The following CACNA1A variants were observed in gnomAD, a reference collection of about 807,000 sequenced individuals.
The protein encoded by CACNA1A is voltage-dependent P/Q-type calcium channel subunit alpha-1A.
In CACNA1A, 57 loss-of-function variants were observed where a neutral mutation model predicts 262.4. The observed-to-expected ratio is 0.22, with a 90% CI of 0.18 to 0.27. CACNA1A has a LOEUF of 0.27. Among genes scored for constraint, CACNA1A ranks in the 10% least tolerant of loss-of-function variants. The pLI, the probability that CACNA1A is intolerant of heterozygous loss-of-function variation, is 1.00. For synonymous variants in CACNA1A, 1,431 were observed against 1,419.3 expected, an observed-to-expected ratio of 1.01 and a Z score of -0.18; for missense variants, 2,526 against 3,562.8, an observed-to-expected ratio of 0.71 and a Z score of 7.41.
chr19:13,245,518 C>T (rs1483629257), intron 30 of CACNA1A: 5 of 537,064 alleles, frequency 9.3e-6, no homozygotes, highest in East Asian at 6.4e-5. Flanking sequence ...TTCAGCTCCA[C>T]AGGGCTGGGG....
At chr19:13,497,569 T>A (rs1456092812) in intron 1 of CACNA1A, among the ~76,000 whole-genome samples, 11 of 34,950 alleles carry the variant, frequency 3.1e-4, no homozygotes, top group East Asian at 8.3e-4. Flanking sequence ...TATATATATA[T>A]ATATATATAT....
chr19:13,281,400 C>G (rs1047381659), intron 22 of CACNA1A, among the ~76,000 whole-genome samples: 1 of 134,348 alleles, frequency 7.4e-6, no homozygotes, highest in Non-Finnish European at 1.6e-5. Context: ...AAAAAAAAAG[C>G]CTGTGCAGGT....
chr19:13,282,510 T>C (rs537761935), intron 22 of CACNA1A, among the ~76,000 whole-genome samples: 27 of 152,038 alleles, frequency 1.8e-4, no homozygotes, highest in African/African-American at 5.3e-4. Context: ...AAAGGGGCTA[T>C]GCACACCCAT....
intron 3 of CACNA1A, among the ~76,000 whole-genome samples, chr19:13,399,231 G>A (rs1004550345): frequency 6.6e-6 from 1 of 152,016 alleles, no homozygotes; most frequent in Non-Finnish European, 1.5e-5. Flanking sequence ...GGAGTTATGC[G>A]TGATTGGGCA....
In CACNA1A at chr19:13,261,626, G is replaced by C. The variant is rs758220361; in HGVS notation, c.4090-16C>G. ...CAAACACAGCCTGTGGGGTGGAGTT[G>C]ACAGAGAGCATGAGGGGCTGGGGAC... On this transcript the variant is annotated splice_polypyrimidine_tract_variant and intron_variant, in intron 25 of 46. Transcript: ENST00000360228. 43 of 1,604,054 alleles carry C rather than the reference G, an allele frequency of 2.7e-5. No individual in the cohort carries two copies. Among genetic ancestry groups the C allele is most frequent in the Non-Finnish European group, 3.7e-5 (43 of 1,175,444 alleles).
At chr19:13,497,574 A>T (rs1981836556) in intron 1 of CACNA1A, among the ~76,000 whole-genome samples, 2 of 40,766 alleles carry the variant, frequency 4.9e-5, no homozygotes, top group African/African-American at 9.2e-5. Flanking sequence ...ATATATATAT[A>T]TATATAAATT....
At chr19:13,495,911 A>G (rs1047928334) in intron 1 of CACNA1A, among the ~76,000 whole-genome samples, 1 of 151,934 alleles carries the variant, frequency 6.6e-6, no homozygotes, top group African/African-American at 2.4e-5. Context: ...CCATTCACCC[A>G]TCCATTTGTC....
intron 1 of CACNA1A, among the ~76,000 whole-genome samples, chr19:13,494,219 G>A (rs1036679723): frequency 2.0e-5 from 3 of 152,258 alleles, no homozygotes; most frequent in Admixed American, 6.5e-5. Flanking sequence ...AAAGGTATGG[G>A]ATGAAATACA....
rs143150819 is a variant in CACNA1A at position 13,221,238 on chromosome 19, T to C, written c.5731+3429A>G. 4.4e-3 allele frequency among the ~76,000 whole-genome samples: 156 copies of C among 35,582 alleles called. 10 individuals carry two copies. The highest frequency in any genetic ancestry group is 7.6e-3 in the Admixed American group (17 of 2,224). The allele number at this position is 35,582 out of a possible 152,430, so 23.3% of individuals were successfully genotyped here. A position where few individuals can be genotyped will look rare whatever the true frequency, so the allele number is the denominator to read the frequency against. On this transcript the variant is annotated intron_variant, in intron 38 of 46. Transcript: ENST00000360228. Reference sequence around the variant, plus strand: ...TTTTCTTTTCTTTCTTTCTTTCTTTTTTTTTTTTTTTTTGAGACAGAGTCT... The same window carrying C: ...TTTTCTTTTCTTTCTTTCTTTCTTTCTTTTTTTTTTTTTGAGACAGAGTCT...
chr19:13,418,486 T>G (rs2060263406), intron 3 of CACNA1A, among the ~76,000 whole-genome samples: 1 of 152,178 alleles, frequency 6.6e-6, no homozygotes, highest in Non-Finnish European at 1.5e-5. Flanking sequence ...TACGATTTAG[T>G]TAAGAATATG....
At chr19:13,248,979 G>A (rs778293700) in intron 30 of CACNA1A, among the ~76,000 whole-genome samples, 1 of 151,856 alleles carries the variant, frequency 6.6e-6, no homozygotes, top group Non-Finnish European at 1.5e-5. Flanking sequence ...CTTCTTTTTT[G>A]ATTTTTAGAG....
At position 13,207,921 on chromosome 19, in the gene CACNA1A, T is replaced by C; in HGVS notation, c.6913A>G (p.Lys2305Glu). Residue 2305 changes from lysine to glutamate, a missense_variant, in exon 47 of 47, where the codon AAG becomes GAG. Physicochemically the swap from Lys to Glu is moderately conservative, Grantham distance 56. Coordinates refer to ENST00000360228, the MANE Select transcript of CACNA1A (RefSeq NM_001127222.2). This position sits in a 1 kb window ranked among gnomAD's most constrained non-coding sequence, Gnocchi z 5.7. The stretch of plus-strand genomic sequence containing the variant: ...TGCGGGGGCCCCGAGCCGCCGGCCT[T>C]ACGGATCACAGGGGAATAGGACACG... ...PHVSYSPVIR[K>E]AGGSGPPQQQ... is the part of the protein sequence containing the mutation. 1.4e-6 allele frequency: 2 copies of C among 1,458,094 alleles called. No homozygotes were observed. Among genetic ancestry groups the C allele is most frequent in the South Asian group, 1.4e-5 (1 of 71,904 alleles). 90.3% of individuals were successfully genotyped at this position (1,458,094 alleles called of 1,614,324 possible).
chr19:13,219,333 T>C (rs746626537), intron 38 of CACNA1A, among the ~76,000 whole-genome samples: 50 of 152,036 alleles, frequency 3.3e-4, no homozygotes, highest in Non-Finnish European at 4.9e-4. Flanking sequence ...TGAGCCACCG[T>C]GCCCGGCCCT....
At chr19:13,351,164 C>G (rs1022134264) in intron 6 of CACNA1A, among the ~76,000 whole-genome samples, 1 of 152,144 alleles carries the variant, frequency 6.6e-6, no homozygotes, top group Non-Finnish European at 1.5e-5. Flanking sequence ...CTACTCTATT[C>G]TTCGGAAATG....
At chr19:13,440,282 T>A (rs979707149) in intron 3 of CACNA1A, among the ~76,000 whole-genome samples, 2 of 152,186 alleles carry the variant, frequency 1.3e-5, no homozygotes, top group African/African-American at 2.4e-5. Context: ...TTAAATCACA[T>A]GCCCTGACTA....
At chr19:13,351,821 A>T (rs8112529) in intron 6 of CACNA1A, among the ~76,000 whole-genome samples, 15,556 of 151,946 alleles carry the variant, frequency 0.1, 928 homozygotes, top group Admixed American at 0.17. Flanking sequence ...TAAAAAAAAA[A>T]ATTTTTTTAA....
intron 3 of CACNA1A, among the ~76,000 whole-genome samples, chr19:13,438,422 C>T (rs981763487): frequency 6.6e-6 from 1 of 152,248 alleles, no homozygotes; most frequent in African/African-American, 2.4e-5. Flanking sequence ...CTCTTAGAAT[C>T]CCATTGCTGC....
intron 3 of CACNA1A, among the ~76,000 whole-genome samples, chr19:13,436,895 G>A (rs575051662): frequency 5.4e-4 from 82 of 152,198 alleles, no homozygotes; most frequent in Admixed American, 3.9e-4. Flanking sequence ...TGGCACCTTG[G>A]CCCCTCTTCA....
chr19:13,219,250 C>T (rs1025325113), intron 38 of CACNA1A, among the ~76,000 whole-genome samples: 6 of 151,288 alleles, frequency 4.0e-5, no homozygotes, highest in Admixed American at 3.3e-4. Context: ...CCATGTTGGT[C>T]AGGCTGGTCT....
Sources: allele counts gnomAD v4.1 joint callset (sites outside exome capture counted in the v4.1 genomes callset), GRCh38; gene constraint gnomAD v4.1.1; non-coding constraint Gnocchi (gnomAD v3.1); transcripts MANE v1.5; gene names NCBI Gene and HGNC (gene_info 2026-07-23, HGNC 2026-07-21).